TESK2: variants seen among roughly 807,000 people sequenced by gnomAD.
TESK2 encodes testis associated actin remodelling kinase 2, also known as dual specificity testis-specific protein kinase 2.
TESK2 carries 39 observed loss-of-function variants against 57.1 expected under a neutral mutation model. The observed-to-expected ratio is 0.68, with a 90% CI of 0.53 to 0.89. The LOEUF (loss-of-function observed/expected upper bound fraction) is 0.89, where lower values mean the gene tolerates loss of function less well. Among genes scored for constraint, TESK2 ranks in the 40% least tolerant of loss-of-function variants. The pLI is 0.00. For missense variants in TESK2, 646 were observed against 732.1 expected, an observed-to-expected ratio of 0.88 and a Z score of 1.36; for synonymous variants, 249 against 267.9, an observed-to-expected ratio of 0.93 and a Z score of 0.69.
chr1:45,352,315 T>G (rs1399228531), intron 5 of TESK2, among the ~76,000 whole-genome samples: 2 of 152,250 alleles, frequency 1.3e-5, no homozygotes, highest in Non-Finnish European at 2.9e-5. Flanking sequence ...ATTTCTCCTA[T>G]GTTCCTAGTT....
intron 3 of TESK2, among the ~76,000 whole-genome samples, chr1:45,401,260 G>C (rs896117078): frequency 1.3e-5 from 2 of 151,748 alleles, no homozygotes; most frequent in Non-Finnish European, 2.9e-5. Flanking sequence ...AGCTGGGCGT[G>C]GTTGCAGCTG....
intron 1 of TESK2, among the ~76,000 whole-genome samples, chr1:45,484,657 G>T (rs1022999709): frequency 6.6e-6 from 1 of 151,980 alleles, no homozygotes; most frequent in Non-Finnish European, 1.5e-5. Context: ...GCTTCAACCC[G>T]GAAGGCGGAA....
intron 4 of TESK2, among the ~76,000 whole-genome samples, chr1:45,356,919 C>T (rs957083306): frequency 2.0e-4 from 30 of 152,064 alleles, no homozygotes; most frequent in African/African-American, 6.0e-4. Flanking sequence ...GACGGCCGGG[C>T]GCAATGGCTC....
At position 45,344,597 on chromosome 1, in the gene TESK2, G is replaced by A; in HGVS notation, c.*243C>T. On this transcript the variant is annotated 3_prime_UTR_variant, in exon 11 of 11. Transcript: ENST00000372086. ...GTACACTGGAGAGGGTCTGGTGGGA[G>A]GCAGACCTCCTTGCTGGATTTCAGA... 1.9e-6 allele frequency: 1 copy of A among 520,572 alleles called. No individual in the cohort carries two copies. Among genetic ancestry groups the A allele is most frequent in the Non-Finnish European group, 3.4e-6 (1 of 289,870 alleles). 32.2% of individuals were successfully genotyped at this position (520,572 alleles called of 1,614,324 possible). A position where few individuals can be genotyped will look rare whatever the true frequency, so the allele number is the denominator to read the frequency against.
At chr1:45,396,538 G>C (rs1311308948) in intron 3 of TESK2, among the ~76,000 whole-genome samples, 1 of 152,114 alleles carries the variant, frequency 6.6e-6, no homozygotes, top group East Asian at 1.9e-4. Flanking sequence ...GCCCACGCTG[G>C]AGTGCAGTAG....
intron 2 of TESK2, among the ~76,000 whole-genome samples, chr1:45,447,689 TC>T (rs1356159819): frequency 2.6e-5 from 4 of 152,174 alleles, no homozygotes; most frequent in African/African-American, 9.7e-5. Flanking sequence ...AGTATTACAT[TC>T]TGTACATAAT....
In TESK2 at chr1:45,406,516, T is replaced by C. The variant is rs541918991; in HGVS notation, c.344+15209A>G. On this transcript the variant is annotated intron_variant, in intron 3 of 10. Coordinates refer to ENST00000372086, the MANE Select transcript of TESK2 (RefSeq NM_007170.3). ...GACAATTAGCTGGGTGTGACACATT[T>C]AGGTGGTACACACCTGTAGTACCAG... 5.3e-5 allele frequency among the ~76,000 whole-genome samples: 8 copies of C among 152,010 alleles called. No homozygotes were observed. In the East Asian group the frequency reaches 1.2e-3, roughly 22 times the overall value.
At chr1:45,361,140 G>A (rs1044820663) in intron 4 of TESK2, among the ~76,000 whole-genome samples, 19 of 152,148 alleles carry the variant, frequency 1.2e-4, no homozygotes, top group Non-Finnish European at 2.5e-4. Flanking sequence ...CACGGTCTCT[G>A]TGCCCATTAG....
At chr1:45,458,881 C>T (rs557571424) in intron 1 of TESK2, among the ~76,000 whole-genome samples, 4 of 152,278 alleles carry the variant, frequency 2.6e-5, no homozygotes, top group African/African-American at 9.6e-5. Context: ...TTCTTTTAGC[C>T]TGTCTCTCCC....
intron 3 of TESK2, among the ~76,000 whole-genome samples, 161 bp downstream of exon 3, chr1:45,421,564 T>C (rs1057152906): frequency 1.3e-5 from 2 of 152,156 alleles, no homozygotes; most frequent in Admixed American, 6.5e-5. Context: ...ATAAATTAAG[T>C]CTCAATGGGT....
At chr1:45,453,800 T>C (rs1005155235) in intron 2 of TESK2, among the ~76,000 whole-genome samples, 1 of 152,104 alleles carries the variant, frequency 6.6e-6, no homozygotes, top group African/African-American at 2.4e-5. Flanking sequence ...TGGTAAGGGA[T>C]AAATATTCCC....
At position 45,457,694 on chromosome 1, in the gene TESK2, T is replaced by C. The variant is rs1484601688; in HGVS notation, c.92A>G (p.Asn31Ser). The change falls in exon 2 of 11, where the codon AAT (asparagine) becomes AGT (serine). Residue 31 changes from asparagine to serine, a missense_variant. Transcript: ENST00000372086. ...CCAAACTCTTCCCACCTGGCTCACA[T>C]TTCCTTCTCCTCCACCACCTCCTTC... ...EFEGGGGGEGNVSQVGRVWPS... is the reference protein window; with the variant it reads ...EFEGGGGGEGSVSQVGRVWPS... The C allele has an allele frequency of 5.6e-6, 9 of 1,614,036 alleles. No homozygotes were observed. The highest frequency in any genetic ancestry group is 2.2e-5 in the East Asian group (1 of 44,900).
At chr1:45,472,191 G>A (rs920639748) in intron 1 of TESK2, among the ~76,000 whole-genome samples, 85 of 150,404 alleles carry the variant, frequency 5.7e-4, no homozygotes, top group African/African-American at 1.9e-3. Context: ...GGCGGAGCTT[G>A]CAGTGAGCCG....
rs535175820 is a variant in TESK2, at chr1:45,397,030, G to A, written c.345-11070C>T. 4.0e-5 allele frequency among the ~76,000 whole-genome samples: 6 copies of A among 151,700 alleles called. No individual in the cohort carries two copies. The East Asian group carries it at 1.2e-3, about 29-fold the overall frequency. On this transcript the variant is annotated intron_variant, in intron 3 of 10. Coordinates refer to ENST00000372086, the MANE Select transcript of TESK2 (RefSeq NM_007170.3). ...GACAGCATTTTACCATGTTGGCCAG[G>A]CGGGTCTCAAACTCCTGACCTCAAG...
chr1:45,345,793 C>A, intron 10 of TESK2, 84 bp downstream of exon 10: 1 of 1,162,110 alleles, frequency 8.6e-7, no homozygotes, highest in Non-Finnish European at 1.3e-6. Flanking sequence ...GGGATCCTGG[C>A]AATCACAACC....
intron 9 of TESK2, 103 bp from the exon 10 acceptor site, chr1:45,346,097 T>A: frequency 1.1e-6 from 1 of 887,876 alleles, no homozygotes. Flanking sequence ...GATGTGCAGC[T>A]GAGAGACCTT....
chr1:45,366,237 C>T (rs138639408), intron 4 of TESK2, among the ~76,000 whole-genome samples: 44 of 152,202 alleles, frequency 2.9e-4, no homozygotes, highest in African/African-American at 9.2e-4. Context: ...CAGGCATGGA[C>T]CACCAGACCT....
intron 4 of TESK2, among the ~76,000 whole-genome samples, chr1:45,383,027 A>G (rs903371300): frequency 1.1e-4 from 16 of 152,228 alleles, no homozygotes; most frequent in Admixed American, 1.0e-3. Flanking sequence ...TGTATATGGG[A>G]AATATTCTTC....
At position 45,421,616 on chromosome 1, in the gene TESK2, T is replaced by A. The variant is rs3790582; in HGVS notation, c.344+109A>T. The A allele has an allele frequency of 2.9e-5, 43 of 1,463,154 alleles. No homozygotes were observed. The African/African-American group carries it at 5.2e-4, about 18-fold the overall frequency. 90.6% of individuals were successfully genotyped at this position (1,463,154 alleles called of 1,614,324 possible). A position where few individuals can be genotyped will look rare whatever the true frequency, so the allele number is the denominator to read the frequency against. On this transcript the variant is annotated intron_variant, in intron 3 of 10. Transcript: ENST00000372086. ...TACCACTAAACCCCAGCAAGATAGA[T>A]TCAGCATGATAAATCCTGAATCCCT...
Sources: allele counts gnomAD v4.1 joint callset (sites outside exome capture counted in the v4.1 genomes callset), GRCh38; gene constraint gnomAD v4.1.1; transcripts MANE v1.5; gene names NCBI Gene and HGNC (gene_info 2026-07-23, HGNC 2026-07-21).